The following BMPR1B variants were observed in gnomAD, a reference collection of about 807,000 sequenced individuals.
The protein encoded by BMPR1B is bone morphogenetic protein receptor type 1B, also known as bone morphogenetic protein receptor type-1B.
Under a neutral mutation model 59.1 loss-of-function variants are expected in BMPR1B, and 12 were observed. That is an observed-to-expected ratio of 0.20 (90% CI 0.13 to 0.33). The LOEUF (loss-of-function observed/expected upper bound fraction) is 0.33, where lower values mean the gene tolerates loss of function less well. BMPR1B is among the 10% of genes least tolerant of loss of function. The pLI is 1.00. For missense variants in BMPR1B, 550 were observed against 610.9 expected (o/e 0.90, Z 1.05); for synonymous variants, 237 against 207.3 (o/e 1.14, Z -1.23).
At chr4:95,145,488 C>T (rs915999518) in intron 10 of BMPR1B, among the ~76,000 whole-genome samples, 1 of 152,208 alleles carries the variant, frequency 6.6e-6, no homozygotes, top group South Asian at 2.1e-4. Context: ...TCTGTTCTCA[C>T]GTGTACCACA....
In BMPR1B at chr4:95,104,482, A is replaced by G. The variant is rs1281247073; in HGVS notation, c.58A>G (p.Ser20Gly). The change falls in exon 4 of 13, where the codon AGT (serine) becomes GGT (glycine). Residue 20 changes from serine (S) to glycine (G), a missense_variant. Ser to Gly is a moderately conservative substitution (Grantham distance 56). Transcript: ENST00000515059. ...GGGCACCAAGAAAGAGGATGGTGAG[A>G]GTACAGCCCCCACCCCCCGTCCAAA... ...NVGTKKEDGESTAPTPRPKVL... is the reference protein window; with the variant it reads ...NVGTKKEDGEGTAPTPRPKVL... 1 of 1,613,496 alleles carries G rather than the reference A, an allele frequency of 6.2e-7. No homozygotes were observed. The highest frequency in any genetic ancestry group is 8.5e-7 in the Non-Finnish European group (1 of 1,179,664).
intron 1 of BMPR1B, among the ~76,000 whole-genome samples, chr4:94,802,109 T>C (rs978589037): frequency 6.6e-6 from 1 of 152,210 alleles, no homozygotes; most frequent in African/African-American, 2.4e-5. Flanking sequence ...AGAAGTGTTT[T>C]GTATTTAGTT....
intron 1 of BMPR1B, among the ~76,000 whole-genome samples, chr4:94,873,704 G>C (rs970292562): frequency 6.6e-6 from 1 of 152,244 alleles, no homozygotes; most frequent in East Asian, 1.9e-4. Context: ...TGCCGTGCCC[G>C]GCCCGACCAT....
At chr4:94,777,454 A>G (rs1722418356) in intron 1 of BMPR1B, among the ~76,000 whole-genome samples, 1 of 152,228 alleles carries the variant, frequency 6.6e-6, no homozygotes, top group Non-Finnish European at 1.5e-5. Flanking sequence ...TATAAAAGAA[A>G]TGCAAATTAA....
At chr4:94,955,790 G>A (rs763603772) in intron 2 of BMPR1B, among the ~76,000 whole-genome samples, 2 of 151,878 alleles carry the variant, frequency 1.3e-5, no homozygotes, top group Non-Finnish European at 2.9e-5. Context: ...CCCCACACCC[G>A]GCTAAATTTT....
At chr4:95,025,464 G>A (rs543230540) in intron 3 of BMPR1B, among the ~76,000 whole-genome samples, 1 of 152,206 alleles carries the variant, frequency 6.6e-6, no homozygotes, top group South Asian at 2.1e-4. Context: ...CTTGGGCTGG[G>A]GTTTTTGTAG....
chr4:94,874,817 C>T (rs563898796), intron 1 of BMPR1B, among the ~76,000 whole-genome samples: 18 of 152,130 alleles, frequency 1.2e-4, no homozygotes, highest in African/African-American at 2.9e-4. Flanking sequence ...TATGGTGAAA[C>T]GCCGTCTCTA....
At chr4:95,048,327 G>T (rs548945461) in intron 3 of BMPR1B, among the ~76,000 whole-genome samples, 2 of 152,206 alleles carry the variant, frequency 1.3e-5, no homozygotes, top group African/African-American at 4.8e-5. Flanking sequence ...GGCTTTACTG[G>T]GTAGAATGGT....
intron 1 of BMPR1B, among the ~76,000 whole-genome samples, chr4:94,770,327 A>G (rs1722139978): frequency 6.6e-6 from 1 of 151,872 alleles, no homozygotes; most frequent in Non-Finnish European, 1.5e-5. Context: ...GATGAGAACC[A>G]TATTTTCTAT....
intron 3 of BMPR1B, among the ~76,000 whole-genome samples, chr4:95,024,116 G>A (rs1724187831): frequency 1.3e-5 from 2 of 152,286 alleles, no homozygotes; most frequent in South Asian, 4.1e-4. Flanking sequence ...TGCTAAATGT[G>A]TAAGTTAGCC....
At chr4:94,850,678 C>A (rs906352659) in intron 1 of BMPR1B, among the ~76,000 whole-genome samples, 2 of 152,166 alleles carry the variant, frequency 1.3e-5, no homozygotes. Context: ...AGGTTAATAA[C>A]CCCTGCCTCA....
chr4:95,064,082 T>C (rs1727617209), intron 3 of BMPR1B, among the ~76,000 whole-genome samples: 1 of 152,146 alleles, frequency 6.6e-6, no homozygotes, highest in Non-Finnish European at 1.5e-5. Flanking sequence ...TATATATCAT[T>C]TATAGGTATA....
chr4:94,799,269 A>G (rs1723309198), intron 1 of BMPR1B, among the ~76,000 whole-genome samples: 1 of 149,734 alleles, frequency 6.7e-6, no homozygotes, highest in Non-Finnish European at 1.5e-5. Context: ...GGATAGTAGC[A>G]GTGACCTGTC....
chr4:94,936,041 T>C (rs1222515265), intron 2 of BMPR1B, among the ~76,000 whole-genome samples: 1 of 152,132 alleles, frequency 6.6e-6, no homozygotes, highest in Non-Finnish European at 1.5e-5. Context: ...TCAGTGGGTG[T>C]ACTTGAAGTG....
chr4:95,066,211 T>A (rs1446839120), intron 3 of BMPR1B, among the ~76,000 whole-genome samples: 1 of 152,220 alleles, frequency 6.6e-6, no homozygotes, highest in Non-Finnish European at 1.5e-5. Context: ...ATTACTTTTC[T>A]ACTTGTTAAT....
At position 94,956,806 on chromosome 4, in the gene BMPR1B, A is replaced by ATT. The variant is rs3839108; in HGVS notation, c.-112-39225_-112-39224dup. On this transcript the variant is annotated intron_variant, in intron 2 of 12. Coordinates refer to ENST00000515059, the MANE Select transcript of BMPR1B (RefSeq NM_001203.3). ...CTGTGTTGTTTAAAGAAAGAATTTA[A>ATT]TTTTTTTTTTAACTCTTCAAAAAGG... Among the ~76,000 whole-genome samples the ATT allele has an allele frequency of 6.0e-3, 912 of 150,782 alleles. 9 individuals carry two copies. The highest frequency in any genetic ancestry group is 0.021 in the African/African-American group (859 of 41,100).
At chr4:95,073,964 T>G (rs753267486) in intron 3 of BMPR1B, among the ~76,000 whole-genome samples, 14 of 152,160 alleles carry the variant, frequency 9.2e-5, no homozygotes, top group Non-Finnish European at 5.9e-5. Context: ...TTGTTGTGAA[T>G]TGTCGAGATA....
chr4:94,975,357 G>GTTT lies in BMPR1B; in HGVS notation c.-112-20680_-112-20678dup, dbSNP rs1177887549. On this transcript the variant is annotated intron_variant, in intron 2 of 12. Transcript: ENST00000515059. ...ATAAATAAAATCTTAATTTCCTTTT[G>GTTT]TTTTTGTTTTTTTTTTTTTTTTTTG... 3.7e-3 allele frequency among the ~76,000 whole-genome samples: 350 copies of GTTT among 94,128 alleles called. 11 individuals are homozygous for GTTT. The highest frequency in any genetic ancestry group is 8.2e-3 in the East Asian group (19 of 2,304). 61.8% of individuals were successfully genotyped at this position (94,128 alleles called of 152,430 possible). A position where few individuals can be genotyped will look rare whatever the true frequency, so the allele number is the denominator to read the frequency against.
At chr4:94,870,150 T>C (rs1417918153) in intron 1 of BMPR1B, among the ~76,000 whole-genome samples, 2 of 152,228 alleles carry the variant, frequency 1.3e-5, no homozygotes, top group African/African-American at 4.8e-5. Flanking sequence ...GCGTTTAAAC[T>C]TTTGGATAAA....
Sources: gnomAD v4.1 joint callset for allele counts (sites outside exome capture counted in the v4.1 genomes callset) on GRCh38, gnomAD v4.1.1 for gene constraint, MANE v1.5 for transcripts, NCBI Gene and HGNC (gene_info 2026-07-23, HGNC 2026-07-21) for gene names.